CDYL: variants seen among roughly 807,000 people sequenced by gnomAD.
CDYL encodes the protein chromodomain Y like, also known as chromodomain Y-like protein.
In CDYL, 8 loss-of-function variants were observed where a neutral mutation model predicts 47.3. The observed-to-expected ratio is 0.17, with a 90% confidence interval of 0.10 to 0.31. CDYL has a LOEUF of 0.31. Among genes scored for constraint, CDYL ranks in the 10% least tolerant of loss-of-function variants. The probability of loss-of-function intolerance (pLI) is 1.00; values close to 1 mark genes in which losing one functional copy is unlikely to be tolerated. For missense variants in CDYL, 471 were observed against 701.4 expected (o/e 0.67, Z 3.71); for synonymous variants, 266 against 265.0 (o/e 1.00, Z -0.04).
At chr6:4,846,199 A>G (rs939401775) in intron 1 of CDYL, among the ~76,000 whole-genome samples, 3 of 150,466 alleles carry the variant, frequency 2.0e-5, no homozygotes, top group Non-Finnish European at 4.4e-5. Context: ...AAAAAAAAAA[A>G]GGTGGATATG....
At chr6:4,740,199 C>G (rs1173954303) in intron 3 of CDYL, among the ~76,000 whole-genome samples, 1 of 152,124 alleles carries the variant, frequency 6.6e-6, no homozygotes, top group Admixed American at 6.5e-5. Context: ...TCCTGTTTCC[C>G]AACTACACCA....
intron 3 of CDYL, among the ~76,000 whole-genome samples, chr6:4,741,714 C>T (rs1006529754): frequency 4.5e-4 from 69 of 152,328 alleles, no homozygotes; most frequent in African/African-American, 1.6e-3. Context: ...CAGGGAAATA[C>T]AGATTTCTAG....
intron 1 of CDYL, among the ~76,000 whole-genome samples, chr6:4,715,417 A>C (rs1757235272): frequency 6.6e-6 from 1 of 152,214 alleles, no homozygotes; most frequent in African/African-American, 2.4e-5. Flanking sequence ...CATGATAAGT[A>C]TCAGGCCACT....
chr6:4,937,329 T>C (rs1263863115), intron 3 of CDYL, among the ~76,000 whole-genome samples: 3 of 142,824 alleles, frequency 2.1e-5, no homozygotes, highest in African/African-American at 8.0e-5. Flanking sequence ...CTCCATCTCT[T>C]ACAAAAAGGT....
chr6:4,806,696 G>A (rs1399443290), intron 1 of CDYL, among the ~76,000 whole-genome samples: 4 of 152,154 alleles, frequency 2.6e-5, no homozygotes, highest in Non-Finnish European at 5.9e-5. Flanking sequence ...TTCTGCGACG[G>A]TTCCTCAGTC....
rs138696954 is a variant in CDYL at position 4,742,265 on chromosome 6, A to G, written c.186+7421A>G. Among the ~76,000 whole-genome samples the G allele has an allele frequency of 8.3e-4, 126 of 151,990 alleles. 1 individual carries two copies. In the South Asian group the frequency reaches 0.016, roughly 20 times the overall value. On this transcript the variant is annotated intron_variant, in intron 3 of 8. Transcript: ENST00000328908. Reference sequence around the variant, plus strand: ...TGCCTGTAGTCCCAGCTACTTGGGAAACTGATGGTGGGAGGGTCATTTAAG... The same window carrying G: ...TGCCTGTAGTCCCAGCTACTTGGGAGACTGATGGTGGGAGGGTCATTTAAG...
intron 3 of CDYL, among the ~76,000 whole-genome samples, chr6:4,741,498 C>G (rs1757796532): frequency 6.6e-6 from 1 of 152,200 alleles, no homozygotes; most frequent in Non-Finnish European, 1.5e-5. Flanking sequence ...ATTGCATTCT[C>G]TGTGCCCCTC....
In CDYL at chr6:4,708,854, A is replaced by AT. The variant is rs548390914; in HGVS notation, c.-39+2605dup. Among the ~76,000 whole-genome samples the AT allele has an allele frequency of 8.5e-4, 130 of 152,150 alleles. 1 individual carries two copies. In the East Asian group the frequency reaches 0.021, roughly 25 times the overall value. Reference sequence around the variant, plus strand: ...GCCAACATGGCAAAATCCCATCTCTATTAAAAATACAAAAATTGGCATGTG... The same window carrying AT: ...GCCAACATGGCAAAATCCCATCTCTATTTAAAAATACAAAAATTGGCATGTG... On this transcript the variant is annotated intron_variant, in intron 1 of 8. Coordinates refer to the CDYL transcript ENST00000328908.
intron 3 of CDYL, 93 bp downstream of exon 3, chr6:4,935,864 T>TTGG: frequency 6.4e-7 from 1 of 1,554,836 alleles, no homozygotes; most frequent in Non-Finnish European, 8.7e-7. Flanking sequence ...CTGTGCTCTT[T>TTGG]CTAAACCTCC....
At chr6:4,743,836 A>G (rs1451908812) in intron 3 of CDYL, among the ~76,000 whole-genome samples, 2 of 152,260 alleles carry the variant, frequency 1.3e-5, no homozygotes, top group Non-Finnish European at 2.9e-5. Context: ...TCAGATGTGT[A>G]GTATGATAAG....
chr6:4,930,268 G>A (rs1441651226), intron 2 of CDYL, among the ~76,000 whole-genome samples: 1 of 152,214 alleles, frequency 6.6e-6, no homozygotes, highest in Non-Finnish European at 1.5e-5. Flanking sequence ...CCCTGTGCAT[G>A]CTCAGATTGG....
At chr6:4,849,238 C>G (rs1214496690) in intron 1 of CDYL, among the ~76,000 whole-genome samples, 1 of 152,096 alleles carries the variant, frequency 6.6e-6, no homozygotes, top group East Asian at 1.9e-4. Flanking sequence ...ACATTTTAGG[C>G]AAACTGGGAT....
At chr6:4,812,733 A>G (rs1017731005) in intron 1 of CDYL, among the ~76,000 whole-genome samples, 2 of 151,148 alleles carry the variant, frequency 1.3e-5, no homozygotes, top group African/African-American at 4.8e-5. Flanking sequence ...TTTTTTTTTC[A>G]TGGCTGAAGA....
intron 1 of CDYL, among the ~76,000 whole-genome samples, chr6:4,853,990 C>G (rs1272999158): frequency 6.6e-6 from 1 of 152,222 alleles, no homozygotes; most frequent in African/African-American, 2.4e-5. Context: ...AAGGTGTTGT[C>G]CTGATTCTCT....
chr6:4,749,892 A>G (rs1008868063), intron 3 of CDYL, among the ~76,000 whole-genome samples: 9 of 152,130 alleles, frequency 5.9e-5, no homozygotes, highest in African/African-American at 2.2e-4. Flanking sequence ...ATAGGAAAAA[A>G]CAGGGCTATA....
At chr6:4,821,626 A>T (rs1256589386) in intron 1 of CDYL, among the ~76,000 whole-genome samples, 1 of 151,692 alleles carries the variant, frequency 6.6e-6, no homozygotes, top group African/African-American at 2.4e-5. Flanking sequence ...CCAGCTATTC[A>T]GGAGGCTGAG....
intron 1 of CDYL, among the ~76,000 whole-genome samples, chr6:4,779,926 C>G (rs1430132394): frequency 3.9e-5 from 6 of 152,152 alleles, no homozygotes; most frequent in African/African-American, 1.4e-4. Flanking sequence ...TATTTCATAT[C>G]ATTTTATGTG....
chr6:4,827,951 A>G (rs1430822462), intron 1 of CDYL, among the ~76,000 whole-genome samples: 1 of 152,200 alleles, frequency 6.6e-6, no homozygotes, highest in Non-Finnish European at 1.5e-5. Context: ...CATCGCACCC[A>G]GCCTGTGTAT....
intron 1 of CDYL, among the ~76,000 whole-genome samples, chr6:4,874,688 C>T (rs1227518097): frequency 2.6e-5 from 4 of 152,236 alleles, no homozygotes; most frequent in Non-Finnish European, 4.4e-5. Context: ...AGGTACAGAA[C>T]ATTTTCACCA....
Sources: allele counts gnomAD v4.1 joint callset (sites outside exome capture counted in the v4.1 genomes callset), GRCh38; gene constraint gnomAD v4.1.1; transcripts MANE v1.5; gene names NCBI Gene and HGNC (gene_info 2026-07-23, HGNC 2026-07-21).